Variants in THSD4 observed in about 807,000 individuals in gnomAD.
THSD4 encodes the protein thrombospondin type-1 domain-containing protein 4.
A neutral mutation model predicts 119.0 loss-of-function variants in THSD4; 69 were observed. The observed-to-expected ratio is 0.58, with a 90% CI of 0.48 to 0.71. THSD4 has a LOEUF of 0.71. Among genes scored for constraint, THSD4 ranks in the 30% least tolerant of loss-of-function variants. The pLI is 0.00. For missense variants in THSD4, 1,393 were observed against 1,391.1 expected, an observed-to-expected ratio of 1.00 and a Z score of -0.02; for synonymous variants, 524 against 540.4, an observed-to-expected ratio of 0.97 and a Z score of 0.42.
chr15:71,331,027 G>A (rs765846288), intron 6 of THSD4, among the ~76,000 whole-genome samples: 26 of 152,184 alleles, frequency 1.7e-4, no homozygotes, highest in Non-Finnish European at 3.4e-4. Context: ...GGTGTAGACA[G>A]AGCGTTGAGC....
At chr15:71,382,228 G>A (rs1460101808) in intron 6 of THSD4, among the ~76,000 whole-genome samples, 1 of 151,992 alleles carries the variant, frequency 6.6e-6, no homozygotes, top group Non-Finnish European at 1.5e-5. Flanking sequence ...AAAGTGTTTC[G>A]GTAAAACACA....
At chr15:71,512,792 A>G (rs2048301895) in intron 7 of THSD4, among the ~76,000 whole-genome samples, 1 of 152,158 alleles carries the variant, frequency 6.6e-6, no homozygotes, top group Non-Finnish European at 1.5e-5. Context: ...AGGACAGAGC[A>G]ACTGCGTAAG....
At position 71,159,758 on chromosome 15, in the gene THSD4, C is replaced by T. The variant is rs574882171; in HGVS notation, c.99+4826C>T. 1.2e-3 allele frequency among the ~76,000 whole-genome samples: 182 copies of T among 152,062 alleles called. 2 individuals are homozygous for T. Among genetic ancestry groups the T allele is most frequent in the African/African-American group, 4.2e-3 (175 of 41,504 alleles). ...AGGGACAATATGATTTCCTTCTTTC[C>T]AATTTGGATGCCCTTTATTTTTTTC... On this transcript the variant is annotated intron_variant, in intron 3 of 17. Coordinates refer to ENST00000261862, the MANE Select transcript of THSD4 (RefSeq NM_024817.3).
intron 7 of THSD4, among the ~76,000 whole-genome samples, chr15:71,622,911 C>G (rs933598088): frequency 4.6e-5 from 7 of 152,196 alleles, no homozygotes; most frequent in Admixed American, 2.6e-4. Flanking sequence ...CTACATTGAG[C>G]TGGGCAGGAT....
intron 7 of THSD4, among the ~76,000 whole-genome samples, chr15:71,449,513 C>T (rs556576750): frequency 6.6e-6 from 1 of 152,272 alleles, no homozygotes; most frequent in Non-Finnish European, 1.5e-5. Context: ...TTCACAGAGT[C>T]ATTGTGAAGA....
intron 6 of THSD4, 48 bp from the exon 7 acceptor site, chr15:71,411,639 T>C (rs1253214343): frequency 1.3e-6 from 2 of 1,548,358 alleles, no homozygotes; most frequent in South Asian, 2.4e-5. Context: ...GAGATGATAT[T>C]GCTTATACCT....
intron 8 of THSD4, among the ~76,000 whole-genome samples, chr15:71,702,550 C>T (rs1447554260): frequency 6.6e-6 from 1 of 152,142 alleles, no homozygotes; most frequent in East Asian, 1.9e-4. Context: ...CCCTCCTATG[C>T]AGAATGTTAC....
intron 7 of THSD4, among the ~76,000 whole-genome samples, chr15:71,521,661 C>T (rs2048442940): frequency 1.3e-5 from 2 of 152,176 alleles, no homozygotes; most frequent in Non-Finnish European, 2.9e-5. Context: ...CTCTCAGTCC[C>T]TCATTTGTGT....
Position 71,703,215 on chromosome 15 carries a change from T to C in THSD4, c.1358-25334T>C, listed in dbSNP as rs144723718. Among the ~76,000 whole-genome samples the C allele has an allele frequency of 5.7e-3, 865 of 152,316 alleles. 15 individuals carry two copies. The highest frequency in any genetic ancestry group is 0.019 in the African/African-American group (799 of 41,562). On this transcript the variant is annotated intron_variant, in intron 8 of 17. Coordinates refer to ENST00000261862, the MANE Select transcript of THSD4 (RefSeq NM_024817.3). ...GTCTCGAACCCCCAACCTCAGGTGA[T>C]CTAGCTGCCTGGGCTTCCCAAAGTG...
chr15:71,533,490 C>T (rs1437161720), intron 7 of THSD4, among the ~76,000 whole-genome samples: 1 of 152,246 alleles, frequency 6.6e-6, no homozygotes, highest in East Asian at 1.9e-4. Context: ...TCAGAACATA[C>T]AGTAAGATGT....
chr15:71,647,207 GC>G (rs1796329417), intron 7 of THSD4, among the ~76,000 whole-genome samples: 1 of 152,200 alleles, frequency 6.6e-6, no homozygotes, highest in South Asian at 2.1e-4. Context: ...GTATACAAGT[GC>G]ATATTGTTAG....
At chr15:71,577,115 C>T in intron 7 of THSD4, among the ~76,000 whole-genome samples, 1 of 150,114 alleles carries the variant, frequency 6.7e-6, no homozygotes. Flanking sequence ...ACCTTTAGTA[C>T]TTTATTAAGT....
At chr15:71,338,051 C>G (rs954043515) in intron 6 of THSD4, among the ~76,000 whole-genome samples, 2 of 152,172 alleles carry the variant, frequency 1.3e-5, no homozygotes, top group South Asian at 2.1e-4. Flanking sequence ...CTTCCCTGTT[C>G]TATCATTAAA....
chr15:71,539,314 A>G (rs2048727019), intron 7 of THSD4, among the ~76,000 whole-genome samples: 1 of 152,186 alleles, frequency 6.6e-6, no homozygotes, highest in South Asian at 2.1e-4. Flanking sequence ...CTTTCTTGAC[A>G]AGAGACTTTT....
At chr15:71,552,675 C>T (rs1239189273) in intron 7 of THSD4, among the ~76,000 whole-genome samples, 2 of 152,238 alleles carry the variant, frequency 1.3e-5, no homozygotes, top group African/African-American at 2.4e-5. Context: ...GAGACAGAGT[C>T]TCACCCTGTC....
chr15:71,100,558 A>T (rs895620641), intron 1 of THSD4, among the ~76,000 whole-genome samples: 1 of 152,222 alleles, frequency 6.6e-6, no homozygotes, highest in African/African-American at 2.4e-5. Flanking sequence ...CCATGCCTGC[A>T]TTCCTGACCC....
intron 2 of THSD4, among the ~76,000 whole-genome samples, chr15:71,146,560 A>G (rs190521744): frequency 2.0e-5 from 3 of 150,656 alleles, no homozygotes; most frequent in Admixed American, 6.6e-5. Flanking sequence ...GCTTGCTTTC[A>G]TGGGTTTGTG....
At chr15:71,636,039 C>T (rs1257679345) in intron 7 of THSD4, among the ~76,000 whole-genome samples, 1 of 152,130 alleles carries the variant, frequency 6.6e-6, no homozygotes. Context: ...GTGGAAAGCA[C>T]GTGGGCTTTG....
chr15:71,224,192 T>C lies in THSD4; in HGVS notation c.464+8793T>C, dbSNP rs559790510. 2.6e-5 allele frequency among the ~76,000 whole-genome samples: 4 copies of C among 152,250 alleles called. No individual in the cohort carries two copies. The South Asian group carries it at 8.3e-4, about 32-fold the overall frequency. ...AGACCTGGAGGCATGAGTGAGCATG[T>C]CATGTTCATAAATGGTTTGGTGAGG... On this transcript the variant is annotated intron_variant, in intron 4 of 17. Transcript: ENST00000261862.
Sources: allele counts gnomAD v4.1 joint callset (sites outside exome capture counted in the v4.1 genomes callset), GRCh38; gene constraint gnomAD v4.1.1; transcripts MANE v1.5; gene names NCBI Gene and HGNC (gene_info 2026-07-23, HGNC 2026-07-21).